The following SMARCA5 variants were observed in gnomAD, a reference collection of about 807,000 sequenced individuals.
The protein encoded by SMARCA5 is SWI/SNF-related matrix-associated actin-dependent regulator of chromatin subfamily A member 5.
A neutral mutation model predicts 140.4 loss-of-function variants in SMARCA5; 18 were observed. The observed-to-expected ratio is 0.13, with a 90% CI of 0.09 to 0.19. The LOEUF (loss-of-function observed/expected upper bound fraction) is 0.19, where lower values mean the gene tolerates loss of function less well. SMARCA5 is among the 10% of genes least tolerant of loss of function. SMARCA5 has a pLI of 1.00. For synonymous variants in SMARCA5, 449 were observed against 419.6 expected (o/e 1.07, Z -0.86); for missense variants, 606 against 1,276.8 (o/e 0.47, Z 8.01).
chr4:143,530,314 G>A (rs1560815780), intron 8 of SMARCA5, 144 bp from the exon 9 acceptor site: 1 of 453,962 alleles, frequency 2.2e-6, no homozygotes. Context: ...AATGACACAT[G>A]AAAACCAGGA....
At chr4:143,526,229 G>A in intron 5 of SMARCA5, 52 bp from the exon 6 acceptor site, 1 of 1,411,782 alleles carries the variant, frequency 7.1e-7, no homozygotes, top group Non-Finnish European at 1.0e-6. Flanking sequence ...GTATAATTGT[G>A]AAATAATATT....
intron 2 of SMARCA5, among the ~76,000 whole-genome samples, chr4:143,519,250 T>G (rs1474082457): frequency 6.6e-5 from 10 of 152,144 alleles, no homozygotes; most frequent in Admixed American, 6.5e-4. Flanking sequence ...GTTACCTCAA[T>G]GAATGAAAGT....
chr4:143,514,164 GGATCGTGGC>G (rs1736771426), intron 1 of SMARCA5, 63 bp downstream of exon 1: 8 of 1,401,168 alleles, frequency 5.7e-6, no homozygotes, highest in Non-Finnish European at 7.5e-6. Context: ...CTCCCTCGCC[GGATCGTGGC>G]GATCGGACGC....
intron 2 of SMARCA5, 37 bp from the exon 3 acceptor site, chr4:143,521,392 A>C (rs1736956074): frequency 6.8e-7 from 1 of 1,477,056 alleles, no homozygotes; most frequent in East Asian, 2.3e-5. Flanking sequence ...TTTAATTGAT[A>C]CTCTGATAAA....
Position 143,514,031 on chromosome 4 carries a change from G to A in SMARCA5, c.107G>A (p.Gly36Asp). 8.4e-6 allele frequency: 13 copies of A among 1,553,932 alleles called. No homozygotes were observed. The highest frequency in any genetic ancestry group is 1.1e-5 in the Non-Finnish European group (13 of 1,157,728). The part of the protein sequence containing the change: ...SGGSNSSNKG[G>D]PEGVAAQAVA... ...GGGAGCAACAGCAGCAACAAAGGCG[G>A]CCCCGAAGGCGTCGCGGCGCAGGCG... Residue 36 changes from glycine to aspartate, a missense_variant, in exon 1 of 24, where the codon GGC becomes GAC. By Grantham distance (94) the Gly-to-Asp change is moderately conservative (BLOSUM62 -1). Transcript: ENST00000283131.
intron 21 of SMARCA5, among the ~76,000 whole-genome samples, 192 bp from the exon 22 acceptor site, chr4:143,547,736 T>C (rs557187735): frequency 1.4e-4 from 22 of 152,186 alleles, no homozygotes; most frequent in African/African-American, 3.8e-4. Flanking sequence ...AGTCTTAGTC[T>C]GTATTTCTCT....
At chr4:143,526,180 T>G in intron 5 of SMARCA5, 101 bp from the exon 6 acceptor site, 2 of 939,690 alleles carry the variant, frequency 2.1e-6, no homozygotes, top group Non-Finnish European at 3.3e-6. Context: ...CTGTTATAAA[T>G]ATGTAGCATT....
In SMARCA5 at chr4:143,556,800, T is replaced by A. The variant is rs1332315226; in HGVS notation, c.*3616T>A. 3 of 152,236 alleles carry A rather than the reference T, an allele frequency of 2.0e-5. No homozygotes were observed. The allele number at this position is 152,236 out of a possible 1,614,324, so 9.4% of individuals were successfully genotyped here. A position where few individuals can be genotyped will look rare whatever the true frequency, so the allele number is the denominator to read the frequency against. On this transcript the variant is annotated 3_prime_UTR_variant, in exon 24 of 24. Coordinates refer to ENST00000283131, the MANE Select transcript of SMARCA5 (RefSeq NM_003601.4). ...GTACATCCCAGAATCGTTTTGGATC[T>A]GTTAAGGTTTTTATTAGAATGATTA...
Position 143,542,986 on chromosome 4 carries a change from A to G in SMARCA5, c.1904-523A>G, listed in dbSNP as rs141226666. Among the ~76,000 whole-genome samples the G allele has an allele frequency of 3.4e-3, 523 of 152,316 alleles. 5 individuals carry two copies. Among genetic ancestry groups the G allele is most frequent in the African/African-American group, 0.011 (473 of 41,574 alleles). ...GAGCAAGACTCCATCTCAAAAAAAT[A>G]AACGAATAAAATAAGTTTTTAGGAG... is the stretch of plus-strand genomic sequence containing the variant. On this transcript the variant is annotated intron_variant, in intron 14 of 23. Coordinates refer to ENST00000283131, the MANE Select transcript of SMARCA5 (RefSeq NM_003601.4).
At chr4:143,542,275 A>G (rs151294695) in intron 14 of SMARCA5, among the ~76,000 whole-genome samples, 245 of 152,338 alleles carry the variant, frequency 1.6e-3, no homozygotes, top group African/African-American at 5.6e-3. Context: ...CCTTCAGGCT[A>G]ATAGCTTTCT....
In SMARCA5 at chr4:143,526,514, G is replaced by T. The variant is rs539377731; in HGVS notation, c.801+54G>T. ...TGAGGCTAAAATAATTTGAATTCAG[G>T]CTTGGGTATGGGTATAGCTGGAAGA... On this transcript the variant is annotated intron_variant, in intron 6 of 23. Transcript: ENST00000283131. 5.0e-6 allele frequency: 6 copies of T among 1,205,856 alleles called. No homozygotes were observed. In the East Asian group the frequency reaches 1.4e-4, roughly 28 times the overall value. 74.7% of individuals were successfully genotyped at this position (1,205,856 alleles called of 1,614,324 possible). A position where few individuals can be genotyped will look rare whatever the true frequency, so the allele number is the denominator to read the frequency against.
At chr4:143,518,814 C>G (rs1736896169) in intron 2 of SMARCA5, among the ~76,000 whole-genome samples, 1 of 151,926 alleles carries the variant, frequency 6.6e-6, no homozygotes, top group Non-Finnish European at 1.5e-5. Context: ...GTGAATACTA[C>G]TTTGAATACA....
rs1380312557 is a variant in SMARCA5 at position 143,556,837 on chromosome 4, G to A, written c.*3653G>A. The A allele has an allele frequency of 1.3e-5, 2 of 152,090 alleles. No individual in the cohort carries two copies. The highest frequency in any genetic ancestry group is 4.8e-5 in the African/African-American group (2 of 41,420). The allele number at this position is 152,090 out of a possible 1,614,324, so 9.4% of individuals were successfully genotyped here. A position where few individuals can be genotyped will look rare whatever the true frequency, so the allele number is the denominator to read the frequency against. On this transcript the variant is annotated 3_prime_UTR_variant, in exon 24 of 24. Coordinates refer to ENST00000283131, the MANE Select transcript of SMARCA5 (RefSeq NM_003601.4). Reference sequence around the variant, plus strand: ...TATTAGAATGATTAAATAGGCTTTTGCAGCATTAACTTTACAGTAGTTACC... The same window carrying A: ...TATTAGAATGATTAAATAGGCTTTTACAGCATTAACTTTACAGTAGTTACC...
rs1736762405 is a variant in SMARCA5 at position 143,513,982 on chromosome 4, C to T, written c.58C>T (p.Pro20Ser). ...GCCTCCCGAGAGCGCGCCTTCCAAG[C>T]CCGCAGCCTCGATCGCCAGCGGCGG... ...PPPPESAPSK[P>S]AASIASGGSN... The change falls in exon 1 of 24, where the codon CCC (proline) becomes TCC (serine). Residue 20 changes from proline (P) to serine (S), a missense_variant. This residue lies in a region of SMARCA5 where 164 missense variants were observed against 128.4 expected (regional missense o/e 1.28). Transcript: ENST00000283131. 2 of 1,561,104 alleles carry T rather than the reference C, an allele frequency of 1.3e-6. No homozygotes were observed. The highest frequency in any genetic ancestry group is 2.7e-5 in the African/African-American group (2 of 73,888).
chr4:143,513,810 G>T lies in SMARCA5; in HGVS notation c.-115G>T. ...GCGCGGCGCAGGGGAGCGCTCGGGT[G>T]GGAGTCTCGCTCCTCCACCAGTTTA... On this transcript the variant is annotated 5_prime_UTR_variant, in exon 1 of 24. Coordinates refer to ENST00000283131, the MANE Select transcript of SMARCA5 (RefSeq NM_003601.4). 1 of 1,225,442 alleles carries T rather than the reference G, an allele frequency of 8.2e-7. No homozygotes were observed. Among genetic ancestry groups the T allele is most frequent in the South Asian group, 1.5e-5 (1 of 68,746 alleles). 75.9% of individuals were successfully genotyped at this position (1,225,442 alleles called of 1,614,324 possible).
In SMARCA5 at chr4:143,555,571, T is replaced by G. The variant is rs1224129656; in HGVS notation, c.*2387T>G. The G allele has an allele frequency of 2.1e-5, 5 of 242,426 alleles. 1 individual carries two copies. The Admixed American group carries it at 2.1e-4, about 10-fold the overall frequency. The allele number at this position is 242,426 out of a possible 1,614,324, so 15.0% of individuals were successfully genotyped here. Reference sequence around the variant, plus strand: ...TGATCATGATACTGAATAAATGTCTTTTTTTTTTTTTAACAACAAAGCATG... The same window carrying G: ...TGATCATGATACTGAATAAATGTCTGTTTTTTTTTTTAACAACAAAGCATG... On this transcript the variant is annotated 3_prime_UTR_variant, in exon 24 of 24. Coordinates refer to ENST00000283131, the MANE Select transcript of SMARCA5 (RefSeq NM_003601.4).
intron 1 of SMARCA5, among the ~76,000 whole-genome samples, chr4:143,516,975 C>G (rs1736854994): frequency 6.6e-6 from 1 of 152,170 alleles, no homozygotes; most frequent in African/African-American, 2.4e-5. Context: ...ACAGTAGATA[C>G]TGTAGTTTTA....
At chr4:143,532,627 C>T (rs890626767) in intron 9 of SMARCA5, among the ~76,000 whole-genome samples, 3 of 152,152 alleles carry the variant, frequency 2.0e-5, no homozygotes, top group Admixed American at 1.3e-4. Context: ...AATGAGATAA[C>T]TCTTATTTGA....
chr4:143,554,897 C>T lies in SMARCA5; in HGVS notation c.*1713C>T. 1 of 310,672 alleles carries T rather than the reference C, an allele frequency of 3.2e-6. No individual in the cohort carries two copies. The allele number at this position is 310,672 out of a possible 1,614,324, so 19.2% of individuals were successfully genotyped here. A position where few individuals can be genotyped will look rare whatever the true frequency, so the allele number is the denominator to read the frequency against. ...CAAAATGAATCAAGTATAGTGGTAGCCCTGAGAGCTTAGGGACTCAAATGG... is the reference window on the plus strand; with the variant it reads ...CAAAATGAATCAAGTATAGTGGTAGTCCTGAGAGCTTAGGGACTCAAATGG... On this transcript the variant is annotated 3_prime_UTR_variant, in exon 24 of 24. Transcript: ENST00000283131.
Sources: allele counts gnomAD v4.1 joint callset (sites outside exome capture counted in the v4.1 genomes callset), GRCh38; gene constraint gnomAD v4.1.1; regional missense constraint gnomAD v4.1.1; transcripts MANE v1.5; gene names NCBI Gene and HGNC (gene_info 2026-07-23, HGNC 2026-07-21).